The following SHISAL2B variants were observed in gnomAD, a reference collection of about 807,000 sequenced individuals.
SHISAL2B encodes shisa like 2B, also known as protein shisa-like-2B.
A neutral mutation model predicts 16.5 loss-of-function variants in SHISAL2B; 12 were observed. The ratio of observed to expected loss-of-function variants is 0.73; its 90% CI spans 0.47 to 1.18. The LOEUF is 1.18. Among genes scored for constraint, SHISAL2B ranks in the 50% most tolerant of loss-of-function variants. The pLI, the probability that SHISAL2B is intolerant of heterozygous loss-of-function variation, is 0.00. For synonymous variants in SHISAL2B, 72 were observed against 75.0 expected, an observed-to-expected ratio of 0.96 and a Z score of 0.21; for missense variants, 183 against 193.6, an observed-to-expected ratio of 0.95 and a Z score of 0.33.
chr5:64,704,390 C>T (rs1011745330), intron 2 of SHISAL2B, among the ~76,000 whole-genome samples: 9 of 152,182 alleles, frequency 5.9e-5, no homozygotes, highest in Non-Finnish European at 7.3e-5. Context: ...AGATTTCATT[C>T]GATGAATTGG....
intron 1 of SHISAL2B, chr5:64,694,183 G>T (rs866045896): frequency 4.5e-6 from 2 of 439,620 alleles, no homozygotes; most frequent in Non-Finnish European, 9.0e-6. Context: ...TTTCAATGAC[G>T]TATGTTCCAA....
chr5:64,713,295 A>C (rs1199030179), intron 2 of SHISAL2B, among the ~76,000 whole-genome samples: 1 of 137,804 alleles, frequency 7.3e-6, no homozygotes, highest in East Asian at 2.1e-4. Flanking sequence ...TCCTTCACTT[A>C]TGAAGCTTAG....
At chr5:64,703,831 C>A (rs945962692) in intron 2 of SHISAL2B, among the ~76,000 whole-genome samples, 1 of 152,112 alleles carries the variant, frequency 6.6e-6, no homozygotes, top group Non-Finnish European at 1.5e-5. Context: ...AATTTTTTGA[C>A]TGTGCTTATG....
At chr5:64,711,891 T>G in intron 2 of SHISAL2B, among the ~76,000 whole-genome samples, 6 of 30,106 alleles carry the variant, frequency 2.0e-4, no homozygotes, top group African/African-American at 2.8e-4. Context: ...GATATCCCCT[T>G]TATCATTTTT....
intron 2 of SHISAL2B, among the ~76,000 whole-genome samples, chr5:64,709,128 C>A (rs1741915223): frequency 6.8e-6 from 1 of 147,012 alleles, no homozygotes; most frequent in Admixed American, 6.7e-5. Flanking sequence ...TGCTGGTGCA[C>A]TGCACCCACT....
Position 64,717,922 on chromosome 5 carries a change from C to T in SHISAL2B, c.383C>T (p.Ser128Leu). Reference sequence around the variant, plus strand: ...AATGGAAAAACCAAAGCCCTCAATTCAAATGCAGCATCAAATGCAACAAAT... The same window carrying T: ...AATGGAAAAACCAAAGCCCTCAATTTAAATGCAGCATCAAATGCAACAAAT... ...KSNGKTKALN[S>L]NAASNATNET... The change falls in exon 3 of 3, where the codon TCA becomes TTA. Residue 128 changes from serine to leucine, a missense_variant. By Grantham distance (145) the Ser-to-Leu change is moderately radical. Coordinates refer to ENST00000389074, the MANE Select transcript of SHISAL2B (RefSeq NM_001164442.2). 1 of 1,517,136 alleles carries T rather than the reference C, an allele frequency of 6.6e-7. No individual in the cohort carries two copies. The allele number at this position is 1,517,136 out of a possible 1,614,324, so 94.0% of individuals were successfully genotyped here. A position where few individuals can be genotyped will look rare whatever the true frequency, so the allele number is the denominator to read the frequency against.
At chr5:64,709,350 C>G (rs1272990743) in intron 2 of SHISAL2B, among the ~76,000 whole-genome samples, 1 of 151,710 alleles carries the variant, frequency 6.6e-6, no homozygotes, top group Non-Finnish European at 1.5e-5. Context: ...ATCCATTTCC[C>G]TACAAAGGAC....
chr5:64,706,603 T>C (rs1052473999), intron 2 of SHISAL2B, among the ~76,000 whole-genome samples: 1 of 152,228 alleles, frequency 6.6e-6, no homozygotes, highest in African/African-American at 2.4e-5. Flanking sequence ...TATGATTAAT[T>C]CCTAGATGGG....
intron 1 of SHISAL2B, among the ~76,000 whole-genome samples, chr5:64,693,450 TGTA>T (rs1741683806): frequency 6.6e-6 from 1 of 152,214 alleles, no homozygotes; most frequent in Non-Finnish European, 1.5e-5. Flanking sequence ...TTTTATAATT[TGTA>T]GATTGAAAGC....
chr5:64,714,079 G>T (rs1218789654), intron 2 of SHISAL2B, among the ~76,000 whole-genome samples: 2 of 150,380 alleles, frequency 1.3e-5, no homozygotes, highest in Non-Finnish European at 2.9e-5. Context: ...TCCATTGCTG[G>T]TGAGGAACTG....
At chr5:64,692,823 A>G (rs1030937699) in intron 1 of SHISAL2B, among the ~76,000 whole-genome samples, 2 of 151,804 alleles carry the variant, frequency 1.3e-5, no homozygotes, top group Non-Finnish European at 2.9e-5. Flanking sequence ...ATGACTCCCT[A>G]TGTTCTTAGG....
intron 2 of SHISAL2B, among the ~76,000 whole-genome samples, chr5:64,700,333 A>C (rs1017929048): frequency 6.6e-6 from 1 of 152,190 alleles, no homozygotes; most frequent in Non-Finnish European, 1.5e-5. Flanking sequence ...GTGGATACCA[A>C]AGTCCTCAGA....
chr5:64,705,405 C>T (rs149452416), intron 2 of SHISAL2B, among the ~76,000 whole-genome samples: 15 of 152,182 alleles, frequency 9.9e-5, no homozygotes, highest in African/African-American at 2.6e-4. Context: ...ACACCTTGAA[C>T]GTCTGATTAA....
At chr5:64,714,324 T>TG (rs1371533621) in intron 2 of SHISAL2B, among the ~76,000 whole-genome samples, 1 of 142,438 alleles carries the variant, frequency 7.0e-6, no homozygotes, top group Admixed American at 6.8e-5. Context: ...GTGCCCCTGC[T>TG]GGGGGGTGCC....
chr5:64,693,998 T>A (rs1170366163), intron 1 of SHISAL2B: 13 of 441,490 alleles, frequency 2.9e-5, no homozygotes, highest in Non-Finnish European at 5.4e-5. Flanking sequence ...GCTTAGCTCT[T>A]CACTTTCAGT....
intron 2 of SHISAL2B, among the ~76,000 whole-genome samples, chr5:64,703,623 A>G (rs1215693091): frequency 1.4e-5 from 2 of 146,140 alleles, no homozygotes. Context: ...TTTCAAGGAT[A>G]TATAATATCT....
intron 2 of SHISAL2B, among the ~76,000 whole-genome samples, chr5:64,707,034 A>T (rs975261321): frequency 8.5e-5 from 13 of 152,202 alleles, no homozygotes; most frequent in African/African-American, 3.1e-4. Context: ...TAACAGGTGT[A>T]CTATAGCTCA....
intron 2 of SHISAL2B, among the ~76,000 whole-genome samples, chr5:64,716,072 CTAAT>C (rs1441227750): frequency 2.0e-5 from 3 of 152,182 alleles, no homozygotes; most frequent in African/African-American, 7.2e-5. Flanking sequence ...TTACCCTCAC[CTAAT>C]TGAGAGATGA....
intron 2 of SHISAL2B, among the ~76,000 whole-genome samples, chr5:64,715,460 G>T (rs926794871): frequency 6.6e-6 from 1 of 152,040 alleles, no homozygotes; most frequent in African/African-American, 2.4e-5. Flanking sequence ...AGCAAAGGAG[G>T]CTGGAGAATT....
Sources: allele counts gnomAD v4.1 joint callset (sites outside exome capture counted in the v4.1 genomes callset), GRCh38; gene constraint gnomAD v4.1.1; transcripts MANE v1.5; gene names NCBI Gene and HGNC (gene_info 2026-07-23, HGNC 2026-07-21).